The following ATL1 variants were observed in gnomAD, a reference collection of about 807,000 sequenced individuals.
The protein encoded by ATL1 is atlastin-1.
ATL1 carries 31 observed loss-of-function variants against 75.5 expected under a neutral mutation model. The ratio of observed to expected loss-of-function variants is 0.41; its 90% CI spans 0.31 to 0.55. The LOEUF (loss-of-function observed/expected upper bound fraction) is 0.55, where lower values mean the gene tolerates loss of function less well. Ranked by LOEUF, ATL1 falls within the 20% of genes least tolerant of loss-of-function variation. The pLI is 0.27. For missense variants in ATL1, 405 were observed against 662.6 expected, an observed-to-expected ratio of 0.61 and a Z score of 4.27; for synonymous variants, 226 against 233.3, an observed-to-expected ratio of 0.97 and a Z score of 0.28.
rs144854549 is a variant in ATL1, at chr14:50,623,861, G to A, written c.1119+613G>A. On this transcript the variant is annotated intron_variant, in intron 11 of 13. Coordinates refer to ENST00000358385, the MANE Select transcript of ATL1 (RefSeq NM_015915.5). ...AGGTCAGGAGTTCGAGACCAGTCTG[G>A]CCAACATGGTGAAACCCTCTCTCTA... 7.2e-3 allele frequency among the ~76,000 whole-genome samples: 1,100 copies of A among 152,076 alleles called. 4 individuals carry two copies. The highest frequency in any genetic ancestry group is 0.017 in the Middle Eastern group (5 of 294).
At chr14:50,632,093 A>G (rs767533381) in intron 13 of ATL1, 136 bp from the exon 14 acceptor site, 133 of 569,744 alleles carry the variant, frequency 2.3e-4, no homozygotes, top group Non-Finnish European at 3.9e-4. Flanking sequence ...TTTTAAGATA[A>G]TAATTTATAT....
intron 1 of ATL1, among the ~76,000 whole-genome samples, chr14:50,537,755 A>C (rs1039292928): frequency 6.6e-6 from 1 of 152,226 alleles, no homozygotes; most frequent in Admixed American, 6.5e-5. Context: ...TCAGACTTGC[A>C]GGGGGCCTGT....
At chr14:50,627,217 A>G (rs2039529982) in intron 11 of ATL1, among the ~76,000 whole-genome samples, 1 of 152,290 alleles carries the variant, frequency 6.6e-6, no homozygotes, top group Admixed American at 6.5e-5. Flanking sequence ...CTGAAGGCTC[A>G]GATGATCCTT....
At chr14:50,614,302 T>C (rs897571836) in intron 7 of ATL1, 71 bp from the exon 8 acceptor site, 38 of 1,527,098 alleles carry the variant, frequency 2.5e-5, no homozygotes, top group Non-Finnish European at 2.5e-5. Flanking sequence ...ATAGCAAATA[T>C]AAGATGCCAC....
intron 6 of ATL1, among the ~76,000 whole-genome samples, chr14:50,608,948 A>G (rs1445750823): frequency 1.3e-5 from 2 of 152,020 alleles, no homozygotes. Context: ...TTTCTCTACA[A>G]GAATCCCTCC....
At chr14:50,595,356 C>A (rs951207302) in intron 5 of ATL1, among the ~76,000 whole-genome samples, 21 of 151,890 alleles carry the variant, frequency 1.4e-4, no homozygotes, top group African/African-American at 5.1e-4. Flanking sequence ...TACTTTATGT[C>A]TTTCATTCTT....
intron 1 of ATL1, among the ~76,000 whole-genome samples, chr14:50,563,989 G>T (rs943980717): frequency 3.3e-5 from 5 of 152,072 alleles, no homozygotes; most frequent in African/African-American, 1.2e-4. Flanking sequence ...AGAGTTGTTT[G>T]CTTCCACAGT....
chr14:50,597,220 C>CAAAA (rs372066395), intron 6 of ATL1, among the ~76,000 whole-genome samples: 4,446 of 108,316 alleles, frequency 0.041, 143 homozygotes, highest in Middle Eastern at 0.085. Flanking sequence ...AAAAAACAAA[C>CAAAA]AAAAAAAAAA....
chr14:50,628,325 A>G lies in ATL1; in HGVS notation c.1414A>G (p.Ile472Val), dbSNP rs374047535. ...AGVTGFIGLD[I>V]IASLCNMIMG... ...TGTGACTGGATTCATTGGTTTGGAC[A>G]TCATAGCTAGCCTATGCAATATGAT... The change falls in exon 12 of 14, where the codon ATC becomes GTC. Residue 472 changes from isoleucine (I) to valine (V), a missense_variant. Ile to Val is a conservative substitution (Grantham distance 29). Transcript: ENST00000358385. The G allele has an allele frequency of 1.4e-5, 22 of 1,614,066 alleles. No individual in the cohort carries two copies. Among genetic ancestry groups the G allele is most frequent in the Middle Eastern group, 1.6e-4 (1 of 6,084 alleles).
intron 8 of ATL1, among the ~76,000 whole-genome samples, chr14:50,619,750 G>C (rs1421520553): frequency 1.3e-5 from 2 of 152,130 alleles, no homozygotes; most frequent in Non-Finnish European, 2.9e-5. Context: ...TCCACCACTA[G>C]AGGTAGCATC....
At chr14:50,546,443 T>TA (rs1041068078) in intron 1 of ATL1, among the ~76,000 whole-genome samples, 156 of 152,266 alleles carry the variant, frequency 1.0e-3, no homozygotes, top group African/African-American at 3.6e-3. Flanking sequence ...TGTTATATGT[T>TA]ATGTCTGACA....
In ATL1 at chr14:50,597,220, CAAA is replaced by C. The variant is rs372066395; in HGVS notation, c.630+1599_630+1601del. Among the ~76,000 whole-genome samples, 35 of 108,402 alleles carry C rather than the reference CAAA, an allele frequency of 3.2e-4. 1 individual carries two copies. Among genetic ancestry groups the C allele is most frequent in the African/African-American group, 5.8e-4 (14 of 24,086 alleles). 71.1% of individuals were successfully genotyped at this position (108,402 alleles called of 152,430 possible). On this transcript the variant is annotated intron_variant, in intron 6 of 13. Coordinates refer to ENST00000358385, the MANE Select transcript of ATL1 (RefSeq NM_015915.5). ...CAAGACTCTGTCTCAAAAAAACAAA[CAAA>C]AAAAAAAAAAGAAAAAAGAAAAAAG...
chr14:50,627,932 A>G, intron 11 of ATL1, 99 bp from the exon 12 acceptor site: 4 of 1,110,890 alleles, frequency 3.6e-6, no homozygotes, highest in Non-Finnish European at 4.0e-6. Context: ...CTGATTATTA[A>G]CGTATTCTAA....
chr14:50,574,702 C>T (rs933027662), intron 1 of ATL1, among the ~76,000 whole-genome samples: 9 of 151,364 alleles, frequency 5.9e-5, no homozygotes, highest in African/African-American at 2.2e-4. Context: ...TTTTCTATAC[C>T]ATGATTTCAA....
In ATL1 at chr14:50,625,024, C is replaced by T. The variant is rs538066466; in HGVS notation, c.1119+1776C>T. Among the ~76,000 whole-genome samples, 934 of 150,886 alleles carry T rather than the reference C, an allele frequency of 6.2e-3. 3 individuals are homozygous for T. Among genetic ancestry groups the T allele is most frequent in the Middle Eastern group, 0.028 (8 of 286 alleles). On this transcript the variant is annotated intron_variant, in intron 11 of 13. Transcript: ENST00000358385. ...GGCAGAGGTTGCAATGAGCCAAGAT[C>T]GCACCACTGCACTGCACTCCAGCCT...
intron 10 of ATL1, 30 bp downstream of exon 10, chr14:50,621,929 G>A: frequency 6.9e-7 from 1 of 1,447,102 alleles, no homozygotes; most frequent in South Asian, 1.1e-5. Flanking sequence ...CATGTTTTAA[G>A]ACACGTGACT....
At chr14:50,587,248 T>G (rs2039110466) in intron 1 of ATL1, among the ~76,000 whole-genome samples, 1 of 152,246 alleles carries the variant, frequency 6.6e-6, no homozygotes, top group African/African-American at 2.4e-5. Context: ...ATTTTCTTTC[T>G]GACTCAGCAG....
intron 4 of ATL1, among the ~76,000 whole-genome samples, chr14:50,592,576 C>T (rs1165454609): frequency 6.6e-6 from 1 of 151,662 alleles, no homozygotes; most frequent in African/African-American, 2.4e-5. Context: ...CCTACTTAAT[C>T]AACTTTTAAA....
intron 6 of ATL1, among the ~76,000 whole-genome samples, chr14:50,612,206 C>T (rs1202312345): frequency 6.6e-6 from 1 of 151,974 alleles, no homozygotes; most frequent in Admixed American, 6.6e-5. Flanking sequence ...ACAGGCAAAA[C>T]GAACTGATGC....
Sources: allele counts gnomAD v4.1 joint callset (sites outside exome capture counted in the v4.1 genomes callset), GRCh38; gene constraint gnomAD v4.1.1; transcripts MANE v1.5; gene names NCBI Gene and HGNC (gene_info 2026-07-23, HGNC 2026-07-21).